The following BSN variants were observed in gnomAD, a reference collection of about 807,000 sequenced individuals.
BSN encodes bassoon presynaptic cytomatrix protein.
Under a neutral mutation model 264.8 loss-of-function variants are expected in BSN, and 57 were observed. That is an observed-to-expected ratio of 0.22 (90% CI 0.17 to 0.27). The LOEUF (loss-of-function observed/expected upper bound fraction) is 0.27. BSN is among the 10% of genes least tolerant of loss of function. The pLI, the probability that BSN is intolerant of heterozygous loss-of-function variation, is 1.00. For synonymous variants in BSN, 2,059 were observed against 2,137.3 expected (o/e 0.96, Z 1.01); for missense variants, 4,615 against 5,232.5 (o/e 0.88, Z 3.64).
In BSN at chr3:49,654,454, G is replaced by C. The variant is rs530439148; in HGVS notation, c.4898G>C (p.Gly1633Ala). Residue 1633 changes from glycine (G) to alanine (A), a missense_variant, in exon 5 of 12, where the codon GGT becomes GCT. This residue lies in a region of BSN where 3,415 missense variants were observed against 3,866.4 expected (regional missense o/e 0.88). Transcript: ENST00000296452. The surrounding 1 kb of genome is among the most constrained non-coding windows in gnomAD (Gnocchi z 4.1). ...GGGCCCCTGGCACTATATGGCTGGG[G>C]TGCCCTCCCTGCTGAGAACATCTCC... The part of the protein sequence containing the change: ...ADGPLALYGW[G>A]ALPAENISLC... 5.0e-6 allele frequency: 8 copies of C among 1,604,900 alleles called. No individual in the cohort carries two copies. Among genetic ancestry groups the C allele is most frequent in the Non-Finnish European group, 6.0e-6 (7 of 1,176,038 alleles).
intron 1 of BSN, among the ~76,000 whole-genome samples, chr3:49,591,591 T>C (rs1185190222): frequency 2.0e-5 from 3 of 148,098 alleles, no homozygotes; most frequent in Non-Finnish European, 3.0e-5. Context: ...CTTCCAGATT[T>C]TTGTTTTTGT....
chr3:49,561,097 G>A (rs1325505617), intron 1 of BSN, among the ~76,000 whole-genome samples: 2 of 152,178 alleles, frequency 1.3e-5, no homozygotes, highest in South Asian at 2.1e-4. Flanking sequence ...CTAACAAGAG[G>A]GTCACATGGA....
At chr3:49,609,704 G>T (rs1021886027) in intron 1 of BSN, among the ~76,000 whole-genome samples, 1 of 152,170 alleles carries the variant, frequency 6.6e-6, no homozygotes, top group South Asian at 2.1e-4. Context: ...ATGTGACTAT[G>T]ATTGTGGCAG....
In BSN at chr3:49,654,773, T is replaced by C. The variant is rs1416974884; in HGVS notation, c.5217T>C (p.Ser1739=). ...CCGTGAGCATCACCATGGCCTCGTC[T>C]GTGTTCATGGCTCAACAAAAGCAGC... ...ATTVSITMAS[S]VFMAQQKQPV... is the part of the protein sequence containing the mutation. Residue 1739 remains serine (S), a synonymous_variant, in exon 5 of 12, where the codon TCT becomes TCC. Coordinates refer to ENST00000296452, the MANE Select transcript of BSN (RefSeq NM_003458.4). This position sits in a 1 kb window ranked among gnomAD's most constrained non-coding sequence, Gnocchi z 4.1. The C allele has an allele frequency of 3.1e-6, 5 of 1,613,490 alleles. No homozygotes were observed. The South Asian group carries it at 5.5e-5, about 18-fold the overall frequency.
At chr3:49,602,299 G>T (rs2052078158) in intron 1 of BSN, among the ~76,000 whole-genome samples, 1 of 152,204 alleles carries the variant, frequency 6.6e-6, no homozygotes, top group Admixed American at 6.5e-5. Context: ...TTCGCCCCAG[G>T]GCAACTGGCA....
At position 49,653,734 on chromosome 3, in the gene BSN, T is replaced by C; in HGVS notation, c.4178T>C (p.Leu1393Pro). The change falls in exon 5 of 12, where the codon CTG (leucine) becomes CCG (proline). Residue 1393 changes from leucine to proline, a missense_variant. Transcript: ENST00000296452. This position sits in a 1 kb window ranked among gnomAD's most constrained non-coding sequence, Gnocchi z 6.3. Reference protein sequence around the residue: ...TTAVAPCPAGLPRGYMTPASP... With the variant: ...TTAVAPCPAGPPRGYMTPASP... ...GCTGTGGCTCCTTGTCCAGCTGGGC[T>C]GCCACGAGGATATATGACTCCAGCC... The C allele has an allele frequency of 6.2e-7, 1 of 1,613,972 alleles. No individual in the cohort carries two copies.
rs906555411 is a variant in BSN at position 49,667,711 on chromosome 3, A to C, written c.*226A>C. ...GCCTGGGTGAAGCATCTGCTGGACA[A>C]GTCGGACCACTGGCCAGGGGACCTT... is the stretch of plus-strand genomic sequence containing the variant. On this transcript the variant is annotated 3_prime_UTR_variant, in exon 12 of 12. Transcript: ENST00000296452. 1 of 152,656 alleles carries C rather than the reference A, an allele frequency of 6.6e-6. No homozygotes were observed. Among genetic ancestry groups the C allele is most frequent in the African/African-American group, 2.4e-5 (1 of 41,426 alleles). The allele number at this position is 152,656 out of a possible 1,614,324, so 9.5% of individuals were successfully genotyped here.
Position 49,654,456 on chromosome 3 carries a change from G to C in BSN, c.4900G>C (p.Ala1634Pro). 1 of 1,605,070 alleles carries C rather than the reference G, an allele frequency of 6.2e-7. No homozygotes were observed. The highest frequency in any genetic ancestry group is 1.1e-5 in the South Asian group (1 of 88,906). ...GCCCCTGGCACTATATGGCTGGGGT[G>C]CCCTCCCTGCTGAGAACATCTCCCT... ...DGPLALYGWG[A>P]LPAENISLCR... Residue 1634 changes from alanine to proline, a missense_variant, in exon 5 of 12, where the codon GCC becomes CCC. Physicochemically the swap from Ala to Pro is conservative, Grantham distance 27. Transcript: ENST00000296452. The surrounding 1 kb of genome is among the most constrained non-coding windows in gnomAD (Gnocchi z 4.1).
chr3:49,625,081 G>C lies in BSN; in HGVS notation c.331G>C (p.Glu111Gln), dbSNP rs149406911. The C allele has an allele frequency of 4.4e-6, 7 of 1,607,600 alleles. No homozygotes were observed. The African/African-American group carries it at 8.0e-5, about 18-fold the overall frequency. ...ATTPGHESPR[E>Q]TRAQGPAGQE... ...CACTCCTGGCCATGAGAGCCCCCGA[G>C]AGACAAGGGCACAGGGACCAGCAGG... The change falls in exon 2 of 12, where the codon GAG becomes CAG. Residue 111 changes from glutamate to glutamine, a missense_variant. Around this residue, in one of 3 missense-constraint regions of BSN, gnomAD observed 1,197 missense variants for 1,348.0 expected, o/e 0.89. Transcript: ENST00000296452. The surrounding 1 kb of genome is among the most constrained non-coding windows in gnomAD (Gnocchi z 4.4).
intron 1 of BSN, among the ~76,000 whole-genome samples, chr3:49,579,584 C>CT (rs71278640): frequency 0.057 from 8,330 of 147,300 alleles, 347 homozygotes; most frequent in Non-Finnish European, 0.075. Context: ...TTCTTTCTTT[C>CT]TTTTTTTTTT....
At position 49,625,009 on chromosome 3, in the gene BSN, G is replaced by T; in HGVS notation, c.259G>T (p.Gly87Cys). 1 of 1,552,002 alleles carries T rather than the reference G, an allele frequency of 6.4e-7. No homozygotes were observed. Among genetic ancestry groups the T allele is most frequent in the Admixed American group, 2.2e-5 (1 of 46,046 alleles). Residue 87 changes from glycine (G) to cysteine (C), a missense_variant, in exon 2 of 12, where the codon GGT becomes TGT. Physicochemically the swap from Gly to Cys is radical, Grantham distance 159. Transcript: ENST00000296452. This position sits in a 1 kb window ranked among gnomAD's most constrained non-coding sequence, Gnocchi z 4.4. ...GAGACTGGACCCCAAGGAACCCCTG[G>T]GTAACCAGAGAGCAGCTTCCCCAAC... ...SRRLDPKEPL[G>C]NQRAASPTPK...
chr3:49,602,092 G>T (rs2052076658), intron 1 of BSN, among the ~76,000 whole-genome samples: 1 of 152,234 alleles, frequency 6.6e-6, no homozygotes. Context: ...GGGTGAGTTG[G>T]GGTAGGGGCT....
intron 1 of BSN, among the ~76,000 whole-genome samples, chr3:49,576,253 G>T (rs554115727): frequency 3.3e-5 from 5 of 152,118 alleles, no homozygotes; most frequent in Admixed American, 2.6e-4. Context: ...GCTTGGGGAG[G>T]ACAGTGGCCT....
chr3:49,656,572 ATGC>A lies in BSN; in HGVS notation c.7021_7023del (p.Ala2341del). ...CTAGCTGGCCAGAAGCCACCAGCAGATGCTGCTCCTGGGGGTGGCAGTGGGGCC... is the reference window on the plus strand; with the variant it reads ...CTAGCTGGCCAGAAGCCACCAGCAGATGCTCCTGGGGGTGGCAGTGGGGCC... On this transcript the variant is annotated inframe_deletion, in exon 5 of 12. Transcript: ENST00000296452. 6.3e-7 allele frequency: 1 copy of A among 1,581,480 alleles called. No homozygotes were observed. The highest frequency in any genetic ancestry group is 8.6e-7 in the Non-Finnish European group (1 of 1,163,766).
rs1254848330 is a variant in BSN, at chr3:49,655,021, G to A, written c.5465G>A (p.Gly1822Asp). Residue 1822 changes from glycine (G) to aspartate (D), a missense_variant, in exon 5 of 12, where the codon GGC (glycine) becomes GAC (aspartate). Coordinates refer to ENST00000296452, the MANE Select transcript of BSN (RefSeq NM_003458.4). ...ARRDVLITQM[G>D]TAQSIGLKPG... is the part of the protein sequence containing the mutation. ...AGAGACGTTTTGATCACTCAGATGG[G>A]CACCGCCCAGAGCATTGGCCTCAAG... 3.7e-6 allele frequency: 6 copies of A among 1,613,202 alleles called. No individual in the cohort carries two copies. Among genetic ancestry groups the A allele is most frequent in the Non-Finnish European group, 5.1e-6 (6 of 1,180,026 alleles).
At chr3:49,644,023 G>T (rs907551713) in intron 3 of BSN, among the ~76,000 whole-genome samples, 1 of 152,166 alleles carries the variant, frequency 6.6e-6, no homozygotes, top group Non-Finnish European at 1.5e-5. Context: ...AGCAGATGCT[G>T]CTTCTGCTCC....
chr3:49,571,193 A>G (rs1021677663), intron 1 of BSN, among the ~76,000 whole-genome samples: 1 of 152,018 alleles, frequency 6.6e-6, no homozygotes, highest in Non-Finnish European at 1.5e-5. Flanking sequence ...GCTCTGGCCA[A>G]TAGAGAGTTA....
At chr3:49,592,750 CAAA>C (rs773509322) in intron 1 of BSN, among the ~76,000 whole-genome samples, 2 of 112,932 alleles carry the variant, frequency 1.8e-5, no homozygotes, top group Admixed American at 9.5e-5. Context: ...GACTCCATCT[CAAA>C]AAAAAAAAAA....
In BSN at chr3:49,654,282, G is replaced by T; in HGVS notation, c.4726G>T (p.Ala1576Ser). 1 of 1,613,316 alleles carries T rather than the reference G, an allele frequency of 6.2e-7. No homozygotes were observed. The highest frequency in any genetic ancestry group is 8.5e-7 in the Non-Finnish European group (1 of 1,179,794). ...CCAGACCAGGATGGTACATGCCAGT[G>T]CCTCCACCTCCCCGCTCTGCTCACC... is the stretch of plus-strand genomic sequence containing the variant. ...SSQTRMVHAS[A>S]STSPLCSPTE... The change falls in exon 5 of 12, where the codon GCC becomes TCC. Residue 1576 changes from alanine to serine, a missense_variant. By Grantham distance (99) the Ala-to-Ser change is moderately conservative. Around this residue, in one of 3 missense-constraint regions of BSN, gnomAD observed 3,415 missense variants for 3,866.4 expected, o/e 0.88. Transcript: ENST00000296452. The surrounding 1 kb of genome is among the most constrained non-coding windows in gnomAD (Gnocchi z 4.1).
Sources: allele counts gnomAD v4.1 joint callset (sites outside exome capture counted in the v4.1 genomes callset), GRCh38; gene constraint gnomAD v4.1.1; regional missense constraint gnomAD v4.1.1; non-coding constraint Gnocchi (gnomAD v3.1); transcripts MANE v1.5; gene names NCBI Gene and HGNC (gene_info 2026-07-23, HGNC 2026-07-21).